Variants in CDC42SE2 observed in about 807,000 individuals in gnomAD.
CDC42SE2 encodes CDC42 small effector 2.
In CDC42SE2, 3 loss-of-function variants were observed where a neutral mutation model predicts 11.5. That is an observed-to-expected ratio of 0.26 (90% CI 0.12 to 0.67). The LOEUF (loss-of-function observed/expected upper bound fraction) is 0.67, where lower values mean the gene tolerates loss of function less well. Ranked by LOEUF, CDC42SE2 falls within the 30% of genes least tolerant of loss-of-function variation. CDC42SE2 has a pLI of 0.80. For missense variants in CDC42SE2, 82 were observed against 106.8 expected (o/e 0.77, Z 1.02); for synonymous variants, 33 against 34.8 (o/e 0.95, Z 0.18).
At chr5:131,362,751 A>AACTTAGTAACTTAGT (rs1468676364) in intron 3 of CDC42SE2, among the ~76,000 whole-genome samples, 7 of 152,200 alleles carry the variant, frequency 4.6e-5, no homozygotes. Flanking sequence ...TGGTATTCCA[A>AACTTAGTAACTTAGT]AACTTAGTAA....
At chr5:131,260,728 GTT>G (rs1756718632), upstream of CDC42SE2, among the ~76,000 whole-genome samples, 1 of 151,910 alleles carries the variant, frequency 6.6e-6, no homozygotes, top group Non-Finnish European at 1.5e-5. Context: ...GAGGTCAGGA[GTT>G]CGAGACCAGC....
intron 1 of CDC42SE2, among the ~76,000 whole-genome samples, chr5:131,276,462 A>G (rs1455907038): frequency 6.6e-6 from 1 of 151,820 alleles, no homozygotes; most frequent in Non-Finnish European, 1.5e-5. Flanking sequence ...AAAAAAAAAA[A>G]TCTTTTAGAT....
rs559533237 is a variant in CDC42SE2 at position 131,342,707 on chromosome 5, T to C, written c.-285-16502T>C. Among the ~76,000 whole-genome samples, 4 of 151,816 alleles carry C rather than the reference T, an allele frequency of 2.6e-5. 1 individual carries two copies. The highest frequency in any genetic ancestry group is 2.6e-4 in the Admixed American group (4 of 15,252). On this transcript the variant is annotated intron_variant, in intron 2 of 4. Coordinates refer to ENST00000505065, the MANE Select transcript of CDC42SE2 (RefSeq NM_001375635.1). The stretch of plus-strand genomic sequence containing the variant: ...CTGGTTAATAGTCTTTTATTATTCA[T>C]TGATTCTTTTTTATTTTTTTTTTGA...
upstream of CDC42SE2, among the ~76,000 whole-genome samples, chr5:131,241,268 T>C (rs998206463): frequency 6.7e-6 from 1 of 150,322 alleles, no homozygotes; most frequent in African/African-American, 2.4e-5. Flanking sequence ...AGCGGTTTTA[T>C]GTTTTTTTCA....
At position 131,393,910 on chromosome 5, in the gene CDC42SE2, C is replaced by G. The variant is rs1329482413; in HGVS notation, c.*2819C>G. On this transcript the variant is annotated 3_prime_UTR_variant, in exon 5 of 5. Transcript: ENST00000505065. ...GTAAGCCAAAAGTGGACTTGTCAGC[C>G]TATAACTACTCTGCAGCTGCCACTA... The G allele has an allele frequency of 6.7e-6, 1 of 149,150 alleles. No homozygotes were observed. Among genetic ancestry groups the G allele is most frequent in the Non-Finnish European group, 1.5e-5 (1 of 67,742 alleles). The allele number at this position is 149,150 out of a possible 1,614,324, so 9.2% of individuals were successfully genotyped here. A position where few individuals can be genotyped will look rare whatever the true frequency, so the allele number is the denominator to read the frequency against.
At chr5:131,247,985 A>T (rs188909869) in intron 1 of CDC42SE2, among the ~76,000 whole-genome samples, 2 of 152,086 alleles carry the variant, frequency 1.3e-5, no homozygotes, top group Admixed American at 1.3e-4. Flanking sequence ...TCATAATTTT[A>T]AAAATTATTT....
At chr5:131,378,131 A>G (rs1750208454) in intron 3 of CDC42SE2, among the ~76,000 whole-genome samples, 1 of 152,236 alleles carries the variant, frequency 6.6e-6, no homozygotes, top group Non-Finnish European at 1.5e-5. Context: ...GAAATATCCA[A>G]CAGCCTCAAC....
At chr5:131,298,269 A>G (rs1272877143) in intron 1 of CDC42SE2, among the ~76,000 whole-genome samples, 2 of 151,258 alleles carry the variant, frequency 1.3e-5, no homozygotes, top group Non-Finnish European at 2.9e-5. Flanking sequence ...TGCCTGGCTA[A>G]TTTTTATTTT....
chr5:131,269,184 A>T (rs189439297), intron 1 of CDC42SE2, among the ~76,000 whole-genome samples: 16 of 152,304 alleles, frequency 1.1e-4, no homozygotes, highest in Admixed American at 9.2e-4. Context: ...TTGGGCCCTC[A>T]TCCAAAGGGA....
At chr5:131,238,482 G>T in the CDC42SE2 span, among the ~76,000 whole-genome samples, 1 of 137,242 alleles carries the variant, frequency 7.3e-6, no homozygotes, top group Non-Finnish European at 1.5e-5. Flanking sequence ...CAGCCTGAGC[G>T]ACAAAGCCAG....
At chr5:131,216,431 G>A in the CDC42SE2 span, among the ~76,000 whole-genome samples, 3 of 149,956 alleles carry the variant, frequency 2.0e-5, no homozygotes, top group Non-Finnish European at 2.9e-5. Context: ...GAGCCCAGGA[G>A]GTCCAGGCTG....
At chr5:131,351,138 G>A (rs10478982) in intron 2 of CDC42SE2, among the ~76,000 whole-genome samples, 1,655 of 152,082 alleles carry the variant, frequency 0.011, 35 homozygotes, top group African/African-American at 0.036. Context: ...GTAGAGACGG[G>A]ACTTTGCTGC....
intron 3 of CDC42SE2, among the ~76,000 whole-genome samples, chr5:131,360,320 A>G (rs1022220858): frequency 2.0e-5 from 3 of 152,112 alleles, no homozygotes; most frequent in African/African-American, 7.2e-5. Context: ...GGGTTTCACC[A>G]TGTTGGTCAG....
At chr5:131,355,978 G>A (rs1195206916) in intron 2 of CDC42SE2, among the ~76,000 whole-genome samples, 3 of 152,174 alleles carry the variant, frequency 2.0e-5, no homozygotes, top group Admixed American at 6.5e-5. Flanking sequence ...ACTCATGTCA[G>A]TCTCATTTGT....
intron 2 of CDC42SE2, among the ~76,000 whole-genome samples, chr5:131,339,818 A>C (rs2149751569): frequency 6.6e-6 from 1 of 150,460 alleles, no homozygotes; most frequent in East Asian, 1.9e-4. Context: ...TCAAAAAAAA[A>C]AAAAAGAGAG....
intron 1 of CDC42SE2, among the ~76,000 whole-genome samples, chr5:131,292,883 G>A (rs1163918046): frequency 2.3e-5 from 3 of 130,362 alleles, no homozygotes; most frequent in Non-Finnish European, 4.7e-5. Flanking sequence ...ACTCAGCCTG[G>A]GTGACAGTGC....
At chr5:131,277,264 C>CAGT (rs1757124023) in intron 1 of CDC42SE2, among the ~76,000 whole-genome samples, 1 of 152,058 alleles carries the variant, frequency 6.6e-6, no homozygotes, top group Non-Finnish European at 1.5e-5. Context: ...GTAGTCCTAC[C>CAGT]ACTCAGTTTA....
chr5:131,319,734 T>A (rs1213583866), intron 2 of CDC42SE2, among the ~76,000 whole-genome samples: 1 of 152,060 alleles, frequency 6.6e-6, no homozygotes, highest in Non-Finnish European at 1.5e-5. Context: ...ATAAGGAAGA[T>A]TATCCAGAAA....
chr5:131,342,694 CTT>C (rs1758740650), intron 2 of CDC42SE2, among the ~76,000 whole-genome samples: 1 of 150,778 alleles, frequency 6.6e-6, no homozygotes, highest in Non-Finnish European at 1.5e-5. Flanking sequence ...GGTTAATAGT[CTT>C]TTATTATTCA....
Sources: gnomAD v4.1 joint callset for allele counts (sites outside exome capture counted in the v4.1 genomes callset) on GRCh38, gnomAD v4.1.1 for gene constraint, MANE v1.5 for transcripts, NCBI Gene and HGNC (gene_info 2026-07-23, HGNC 2026-07-21) for gene names.